Variants in PHF14 observed in about 807,000 individuals in gnomAD.
PHF14 encodes the protein PHD finger protein 14.
Under a neutral mutation model 117.9 loss-of-function variants are expected in PHF14, and 55 were observed. The observed-to-expected ratio is 0.47, with a 90% CI of 0.38 to 0.58. The LOEUF (loss-of-function observed/expected upper bound fraction) is 0.58. PHF14 is among the 20% of genes least tolerant of loss of function. PHF14 has a pLI of 0.00. For synonymous variants in PHF14, 409 were observed against 368.6 expected (o/e 1.11, Z -1.26); for missense variants, 978 against 1,122.2 (o/e 0.87, Z 1.84).
intron 6 of PHF14, among the ~76,000 whole-genome samples, chr7:11,026,126 A>G (rs903909480): frequency 5.8e-4 from 88 of 150,720 alleles, no homozygotes; most frequent in African/African-American, 1.2e-3. Flanking sequence ...AAAAAAAAAA[A>G]AGAGAGAGAA....
chr7:11,156,404 T>C (rs1788854171), intron 17 of PHF14, among the ~76,000 whole-genome samples: 1 of 152,220 alleles, frequency 6.6e-6, no homozygotes, highest in South Asian at 2.1e-4. Flanking sequence ...CCAATAAAAC[T>C]GAAGATTAAT....
At chr7:11,036,172 C>A (rs1784320912) in intron 8 of PHF14, among the ~76,000 whole-genome samples, 1 of 152,020 alleles carries the variant, frequency 6.6e-6, no homozygotes, top group African/African-American at 2.4e-5. Context: ...AGAGAAACTT[C>A]AGCTTAATTA....
At chr7:11,105,727 T>C in intron 16 of PHF14, 1 of 984,728 alleles carries the variant, frequency 1.0e-6, no homozygotes, top group Non-Finnish European at 1.2e-6. Context: ...CTCTTTCCCA[T>C]AGTGCTCACT....
intron 5 of PHF14, among the ~76,000 whole-genome samples, chr7:11,019,057 T>C (rs777380542): frequency 6.6e-6 from 1 of 152,194 alleles, no homozygotes. Flanking sequence ...CTTGCTTATG[T>C]TGAACCATGC....
At chr7:11,007,688 A>G (rs1237660226) in intron 4 of PHF14, among the ~76,000 whole-genome samples, 4 of 152,214 alleles carry the variant, frequency 2.6e-5, no homozygotes, top group African/African-American at 9.6e-5. Flanking sequence ...ATATTAAATA[A>G]AATGTGGAAA....
At chr7:11,122,331 T>TATATATATATATATATATATA (rs1787779306) in intron 17 of PHF14, among the ~76,000 whole-genome samples, 2 of 84,068 alleles carry the variant, frequency 2.4e-5, no homozygotes, top group South Asian at 3.9e-4. Context: ...TTTGTACTTT[T>TATATATATATATATATATATA]TATATATATA....
intron 17 of PHF14, among the ~76,000 whole-genome samples, chr7:11,145,023 T>C (rs1056189096): frequency 1.3e-5 from 2 of 151,940 alleles, no homozygotes; most frequent in South Asian, 4.2e-4. Flanking sequence ...TGGAGATGAA[T>C]GATGGTGATG....
At chr7:11,037,461 G>A (rs1352459920) in intron 10 of PHF14, among the ~76,000 whole-genome samples, 1 of 152,134 alleles carries the variant, frequency 6.6e-6, no homozygotes, top group African/African-American at 2.4e-5. Flanking sequence ...TTGGTGTGAG[G>A]CCAACTCATG....
Position 11,061,957 on chromosome 7 carries a change from A to G in PHF14, c.2533-7A>G, listed in dbSNP as rs1315603288. 2.5e-6 allele frequency: 4 copies of G among 1,583,844 alleles called. No individual in the cohort carries two copies. Among genetic ancestry groups the G allele is most frequent in the Non-Finnish European group, 3.4e-6 (4 of 1,164,512 alleles). On this transcript the variant is annotated splice_polypyrimidine_tract_variant and splice_region_variant and intron_variant, in intron 15 of 17. Transcript: ENST00000634607. ...TATGTTTTATTTTATTATCCCTTGT[A>G]TGGCAGGAAAGAGTTCCTAGAGAGA...
intron 4 of PHF14, among the ~76,000 whole-genome samples, chr7:11,008,818 G>C (rs534246062): frequency 6.6e-6 from 1 of 151,792 alleles, no homozygotes; most frequent in Non-Finnish European, 1.5e-5. Context: ...GGTGGATCAC[G>C]AGGTCAGGAG....
chr7:10,981,899 C>G lies in PHF14; in HGVS notation c.113-473C>G, dbSNP rs111484274. Among the ~76,000 whole-genome samples, 72 of 152,068 alleles carry G rather than the reference C, an allele frequency of 4.7e-4. 1 individual carries two copies. Among genetic ancestry groups the G allele is most frequent in the African/African-American group, 1.7e-3 (70 of 41,476 alleles). ...TGGGTAAAGAGTAAAATAAATGAAG[C>G]AGTTTTATGGGTTAGATTTATCTTG... On this transcript the variant is annotated intron_variant, in intron 2 of 17. Coordinates refer to ENST00000634607, the MANE Select transcript of PHF14 (RefSeq NM_001007157.2).
At chr7:11,095,622 T>C (rs1786819027) in intron 16 of PHF14, among the ~76,000 whole-genome samples, 1 of 152,214 alleles carries the variant, frequency 6.6e-6, no homozygotes, top group Non-Finnish European at 1.5e-5. Flanking sequence ...ATCCATTAAA[T>C]GTAGAGAATA....
intron 17 of PHF14, among the ~76,000 whole-genome samples, chr7:11,165,431 T>TTC (rs1789173526): frequency 6.6e-6 from 1 of 152,174 alleles, no homozygotes; most frequent in South Asian, 2.1e-4. Flanking sequence ...TTTGCCATGT[T>TTC]TCTCCATTAT....
Position 10,974,850 on chromosome 7 carries a change from A to G in PHF14, c.17A>G (p.Lys6Arg), listed in dbSNP as rs750253833. 45 of 1,577,708 alleles carry G rather than the reference A, an allele frequency of 2.9e-5. No homozygotes were observed. Among genetic ancestry groups the G allele is most frequent in the Non-Finnish European group, 3.6e-5 (42 of 1,157,084 alleles). The change falls in exon 2 of 18, where the codon AAG becomes AGG. Residue 6 changes from lysine (K) to arginine (R), a missense_variant. Physicochemically the swap from Lys to Arg is conservative, Grantham distance 26. This residue lies in a region of PHF14 where 414 missense variants were observed against 376.4 expected (regional missense o/e 1.10). Coordinates refer to ENST00000634607, the MANE Select transcript of PHF14 (RefSeq NM_001007157.2). MDRSS[K>R]RRQVKPLAAS... ...CTCTTCACAGTGGATCGCAGCTCCA[A>G]GAGGAGGCAGGTGAAGCCTTTGGCA... is the stretch of plus-strand genomic sequence containing the variant.
chr7:11,152,158 T>C (rs1485289363), intron 17 of PHF14, among the ~76,000 whole-genome samples: 2 of 151,928 alleles, frequency 1.3e-5, no homozygotes, highest in African/African-American at 4.8e-5. Context: ...TGAATAATAA[T>C]CTGGTCAGTA....
chr7:11,085,570 C>G (rs538605537), intron 16 of PHF14, among the ~76,000 whole-genome samples: 60 of 152,140 alleles, frequency 3.9e-4, no homozygotes, highest in Non-Finnish European at 7.6e-4. Context: ...AATACTCATC[C>G]TATTTGGCCT....
intron 17 of PHF14, among the ~76,000 whole-genome samples, chr7:11,144,027 C>CA (rs1188460866): frequency 2.0e-5 from 3 of 151,662 alleles, no homozygotes; most frequent in Non-Finnish European, 4.4e-5. Flanking sequence ...AACTCAACAG[C>CA]AAAAAAACCC....
intron 17 of PHF14, among the ~76,000 whole-genome samples, chr7:11,117,124 T>C (rs1373316619): frequency 6.6e-6 from 1 of 151,964 alleles, no homozygotes; most frequent in Non-Finnish European, 1.5e-5. Context: ...CCAGGTCATA[T>C]GTATTCACAG....
At chr7:11,112,183 G>C (rs189732539) in intron 17 of PHF14, among the ~76,000 whole-genome samples, 4 of 152,182 alleles carry the variant, frequency 2.6e-5, no homozygotes, top group Admixed American at 6.5e-5. Context: ...AAGACATTCT[G>C]GTCAACTGTA....
Sources: allele counts gnomAD v4.1 joint callset (sites outside exome capture counted in the v4.1 genomes callset), GRCh38; gene constraint gnomAD v4.1.1; regional missense constraint gnomAD v4.1.1; transcripts MANE v1.5; gene names NCBI Gene and HGNC (gene_info 2026-07-23, HGNC 2026-07-21).